TASP1: variants seen among roughly 807,000 people sequenced by gnomAD.
TASP1 encodes taspase 1, also known as threonine aspartase 1.
TASP1 carries 16 observed loss-of-function variants against 56.6 expected under a neutral mutation model. That is an observed-to-expected ratio of 0.28 (90% CI 0.19 to 0.43). The LOEUF is 0.43. Ranked by LOEUF, TASP1 falls within the 20% of genes least tolerant of loss-of-function variation. The pLI, the probability that TASP1 is intolerant of heterozygous loss-of-function variation, is 1.00. For missense variants in TASP1, 393 were observed against 511.6 expected (o/e 0.77, Z 2.24); for synonymous variants, 179 against 184.2 (o/e 0.97, Z 0.23).
At chr20:13,440,842 G>A (rs145535071) in intron 11 of TASP1, among the ~76,000 whole-genome samples, 1 of 152,204 alleles carries the variant, frequency 6.6e-6, no homozygotes, top group East Asian at 1.9e-4. Context: ...AGGAAATATG[G>A]CTTCCCCCAG....
chr20:13,288,435 C>T, the TASP1 span: 1 of 1,242,350 alleles, frequency 8.0e-7, no homozygotes, highest in Non-Finnish European at 1.1e-6. Flanking sequence ...GCAATCCCCT[C>T]CCACAGCGAG....
the TASP1 span, among the ~76,000 whole-genome samples, chr20:13,370,655 A>T: frequency 1.3e-5 from 2 of 152,238 alleles, no homozygotes; most frequent in Non-Finnish European, 2.9e-5. Flanking sequence ...TCAGAATGTG[A>T]CTTTATTTGA....
At chr20:13,143,215 G>A in the TASP1 span, among the ~76,000 whole-genome samples, 20 of 152,260 alleles carry the variant, frequency 1.3e-4, no homozygotes, top group East Asian at 3.9e-4. Context: ...TGTAGGTGCC[G>A]CAGGTCAGTT....
At chr20:13,253,583 C>A in the TASP1 span, among the ~76,000 whole-genome samples, 1 of 152,142 alleles carries the variant, frequency 6.6e-6, no homozygotes, top group Non-Finnish European at 1.5e-5. Context: ...TGCAGAGAAT[C>A]GCCAGGAGGC....
rs1033815193 is a variant in TASP1 at position 13,598,821 on chromosome 20, C to G, written c.283-11451G>C. ...GCTAATATCCAGAATCTGCAAAGAA[C>G]TTAAATAAATTTACAAGAAAAAAAC... On this transcript the variant is annotated intron_variant, in intron 4 of 13. Transcript: ENST00000337743. Among the ~76,000 whole-genome samples, 9 of 152,212 alleles carry G rather than the reference C, an allele frequency of 5.9e-5. No individual in the cohort carries two copies. The Middle Eastern group carries it at 0.01, about 173-fold the overall frequency.
intron 1 of TASP1, among the ~76,000 whole-genome samples, chr20:13,630,538 A>G (rs111254320): frequency 4.3e-4 from 65 of 151,920 alleles, no homozygotes; most frequent in African/African-American, 1.5e-3. Context: ...AAAATACAAA[A>G]AATTTAGCTG....
chr20:13,485,566 C>T (rs534116180), intron 10 of TASP1, among the ~76,000 whole-genome samples: 11 of 152,146 alleles, frequency 7.2e-5, no homozygotes, highest in Non-Finnish European at 1.6e-4. Flanking sequence ...ATCTAAATAT[C>T]TCTTTGTGAA....
chr20:13,485,177 A>G (rs991479950), intron 10 of TASP1, among the ~76,000 whole-genome samples: 6 of 152,168 alleles, frequency 3.9e-5, no homozygotes, highest in Non-Finnish European at 7.3e-5. Flanking sequence ...ACCTTCAAGG[A>G]AAAAAATGCC....
At chr20:13,617,287 A>C (rs1020173725) in intron 4 of TASP1, among the ~76,000 whole-genome samples, 1 of 152,252 alleles carries the variant, frequency 6.6e-6, no homozygotes, top group African/African-American at 2.4e-5. Flanking sequence ...ACAGGAAAAA[A>C]GAGCACCTAA....
intron 4 of TASP1, among the ~76,000 whole-genome samples, chr20:13,588,373 AAAG>A (rs942504017): frequency 1.2e-4 from 19 of 152,202 alleles, no homozygotes; most frequent in African/African-American, 4.3e-4. Flanking sequence ...CTAGATTGGA[AAAG>A]AAGAAGTAAA....
intron 10 of TASP1, among the ~76,000 whole-genome samples, chr20:13,520,944 C>T (rs577020160): frequency 1.3e-5 from 2 of 151,582 alleles, no homozygotes; most frequent in South Asian, 4.2e-4. Flanking sequence ...ACAAACAACC[C>T]CATCAAAAAG....
At chr20:13,163,367 CA>C in the TASP1 span, among the ~76,000 whole-genome samples, 7,106 of 89,980 alleles carry the variant, frequency 0.079, 141 homozygotes, top group African/African-American at 0.16. Context: ...GACGCTGTCT[CA>C]AAAAAAAAAA....
chr20:13,121,836 G>C, the TASP1 span, among the ~76,000 whole-genome samples: 1 of 152,098 alleles, frequency 6.6e-6, no homozygotes, highest in African/African-American at 2.4e-5. Context: ...TAAAATTTTG[G>C]GCAAGATAGT....
chr20:13,162,253 C>T, the TASP1 span, among the ~76,000 whole-genome samples: 8,039 of 152,122 alleles, frequency 0.053, 243 homozygotes, highest in African/African-American at 0.079. Context: ...AGAGCATGGC[C>T]GGGAAGCAAG....
At chr20:13,321,253 T>G in the TASP1 span, among the ~76,000 whole-genome samples, 1 of 57,522 alleles carries the variant, frequency 1.7e-5, no homozygotes, top group Non-Finnish European at 3.2e-5. Flanking sequence ...GTGCCCCACA[T>G]AAAAAAAAAA....
the TASP1 span, among the ~76,000 whole-genome samples, chr20:13,189,608 C>T: frequency 6.6e-6 from 1 of 152,120 alleles, no homozygotes; most frequent in East Asian, 1.9e-4. Flanking sequence ...AATGAGATAC[C>T]ATTTCATACC....
At chr20:13,211,582 C>T in the TASP1 span, among the ~76,000 whole-genome samples, 31 of 152,190 alleles carry the variant, frequency 2.0e-4, no homozygotes, top group East Asian at 5.4e-3. Context: ...CAGATGTTAC[C>T]GTTATCCCTA....
At chr20:13,436,405 G>A (rs560729031) in intron 11 of TASP1, among the ~76,000 whole-genome samples, 10 of 151,176 alleles carry the variant, frequency 6.6e-5, no homozygotes, top group African/African-American at 2.2e-4. Flanking sequence ...CACAGAGACC[G>A]TGACACAGGC....
chr20:13,230,283 G>A, the TASP1 span, among the ~76,000 whole-genome samples: 1 of 152,074 alleles, frequency 6.6e-6, no homozygotes, highest in South Asian at 2.1e-4. Flanking sequence ...TTAATTTCAT[G>A]TTCACTTTGT....
Sources: allele counts gnomAD v4.1 joint callset (sites outside exome capture counted in the v4.1 genomes callset), GRCh38; gene constraint gnomAD v4.1.1; transcripts MANE v1.5; gene names NCBI Gene and HGNC (gene_info 2026-07-23, HGNC 2026-07-21).